Variants in QSOX2 observed in about 807,000 individuals in gnomAD.
QSOX2 encodes the protein quiescin sulfhydryl oxidase 2.
A neutral mutation model predicts 61.7 loss-of-function variants in QSOX2; 46 were observed. The ratio of observed to expected loss-of-function variants is 0.75; its 90% CI spans 0.59 to 0.95. The LOEUF (loss-of-function observed/expected upper bound fraction) is 0.95, where lower values mean the gene tolerates loss of function less well. QSOX2 is among the 40% of genes least tolerant of loss of function. QSOX2 has a pLI of 0.00. For synonymous variants in QSOX2, 383 were observed against 388.4 expected (o/e 0.99, Z 0.16); for missense variants, 879 against 918.9 (o/e 0.96, Z 0.56).
chr9:136,244,757 G>C (rs1272504795), intron 1 of QSOX2, among the ~76,000 whole-genome samples: 1 of 152,240 alleles, frequency 6.6e-6, no homozygotes, highest in Non-Finnish European at 1.5e-5. Flanking sequence ...ATAAAGTGCG[G>C]AACACTACCA....
At chr9:136,215,735 T>C (rs1043439951) in intron 9 of QSOX2, among the ~76,000 whole-genome samples, 3 of 152,152 alleles carry the variant, frequency 2.0e-5, no homozygotes, top group Admixed American at 2.0e-4. Context: ...AGCAATAGGG[T>C]GGCCATCAGA....
chr9:136,217,087 C>G (rs7040091), intron 8 of QSOX2, among the ~76,000 whole-genome samples: 4 of 152,248 alleles, frequency 2.6e-5, no homozygotes, highest in African/African-American at 7.2e-5. Context: ...GCCTTCCTCA[C>G]GAGGAGCTGT....
At chr9:136,233,298 C>T (rs747771633) in intron 1 of QSOX2, among the ~76,000 whole-genome samples, 5 of 152,230 alleles carry the variant, frequency 3.3e-5, no homozygotes, top group Non-Finnish European at 7.3e-5. Flanking sequence ...CTGCCTTTTA[C>T]AGTGATTTCA....
At chr9:136,232,932 A>C (rs868808699) in intron 1 of QSOX2, among the ~76,000 whole-genome samples, 1 of 149,224 alleles carries the variant, frequency 6.7e-6, no homozygotes, top group African/African-American at 2.5e-5. Context: ...AAAAAAAAAA[A>C]AAAAAAGAAA....
chr9:136,226,297 G>A (rs1037928253), intron 2 of QSOX2, among the ~76,000 whole-genome samples: 9 of 152,206 alleles, frequency 5.9e-5, no homozygotes, highest in African/African-American at 2.2e-4. Context: ...CCCCTAGTGG[G>A]AGCAATGGGC....
intron 1 of QSOX2, among the ~76,000 whole-genome samples, chr9:136,240,720 C>T (rs1238807099): frequency 3.3e-5 from 5 of 152,180 alleles, no homozygotes; most frequent in Non-Finnish European, 7.3e-5. Context: ...TGAGAAAACC[C>T]GGGCACACGC....
chr9:136,218,778 T>C lies in QSOX2; in HGVS notation c.987A>G (p.Ser329=). The change falls in exon 8 of 12, where the codon TCA becomes TCG. Residue 329 remains serine, a synonymous_variant. Coordinates refer to ENST00000358701, the MANE Select transcript of QSOX2 (RefSeq NM_181701.4). The part of the protein sequence containing the change: ...KSKLYTVDLE[S]GLHYLLRVEL... Reference sequence around the variant, plus strand: ...CCACCCGCAGGAGGTAGTGTAGCCCTGACTCCAGGTCCACCGTGTACAGCT... The same window carrying C: ...CCACCCGCAGGAGGTAGTGTAGCCCCGACTCCAGGTCCACCGTGTACAGCT... The C allele has an allele frequency of 6.2e-7, 1 of 1,613,568 alleles. No individual in the cohort carries two copies. Among genetic ancestry groups the C allele is most frequent in the Non-Finnish European group, 8.5e-7 (1 of 1,180,020 alleles).
intron 1 of QSOX2, among the ~76,000 whole-genome samples, chr9:136,244,161 C>A (rs958207547): frequency 6.6e-5 from 10 of 152,148 alleles, no homozygotes; most frequent in African/African-American, 2.4e-4. Flanking sequence ...GAATAACACA[C>A]AAGAACTGAA....
intron 9 of QSOX2, among the ~76,000 whole-genome samples, chr9:136,216,004 C>T (rs1438022470): frequency 2.6e-5 from 4 of 152,212 alleles, no homozygotes; most frequent in African/African-American, 9.6e-5. Flanking sequence ...ACAAAGCTGG[C>T]AAAATCACGG....
intron 10 of QSOX2, among the ~76,000 whole-genome samples, chr9:136,214,711 C>G (rs751230724): frequency 6.6e-6 from 1 of 152,202 alleles, no homozygotes; most frequent in East Asian, 1.9e-4. Flanking sequence ...AGGCCATGCC[C>G]GGCCCTCAGA....
At chr9:136,242,909 CCTAA>C (rs1209182806) in intron 1 of QSOX2, among the ~76,000 whole-genome samples, 3 of 152,210 alleles carry the variant, frequency 2.0e-5, no homozygotes, top group Non-Finnish European at 4.4e-5. Context: ...TCCTGAGTCC[CCTAA>C]CTGACTGAAT....
chr9:136,211,028 C>G (rs953516194), intron 11 of QSOX2: 1 of 549,994 alleles, frequency 1.8e-6, no homozygotes, highest in African/African-American at 2.1e-5. Context: ...TCCACGGGGT[C>G]GAAGAGCCCC....
intron 10 of QSOX2, among the ~76,000 whole-genome samples, chr9:136,213,968 A>ACG: frequency 2.2e-5 from 1 of 46,008 alleles, no homozygotes; most frequent in Non-Finnish European, 5.7e-5. Context: ...TGATAAGCAA[A>ACG]CAGTGGTGGC....
intron 11 of QSOX2, chr9:136,210,502 G>A (rs117915944): frequency 0.026 from 25,817 of 985,448 alleles, 362 homozygotes; most frequent in African/African-American, 0.048. Context: ...TGTGGGCGGC[G>A]GCGATGCAGA....
rs774617522 is a variant in QSOX2 at position 136,209,055 on chromosome 9, C to T, written c.1770G>A (p.Glu590=). Residue 590 remains glutamate, a synonymous_variant, in exon 12 of 12, where the codon GAG becomes GAA. Coordinates refer to ENST00000358701, the MANE Select transcript of QSOX2 (RefSeq NM_181701.4). This position sits in a 1 kb window ranked among gnomAD's most constrained non-coding sequence, Gnocchi z 5.6. The part of the protein sequence containing the change: ...EGGTLARGEE[E]EKRLTPPEVS... ...CCTCTGGGGGAGTGAGTCTTTTCTCCTCTTCCTCACCCCTGGCCAGGGTTC... is the reference window on the plus strand; with the variant it reads ...CCTCTGGGGGAGTGAGTCTTTTCTCTTCTTCCTCACCCCTGGCCAGGGTTC... 1 of 1,614,128 alleles carries T rather than the reference C, an allele frequency of 6.2e-7. No homozygotes were observed. The highest frequency in any genetic ancestry group is 8.5e-7 in the Non-Finnish European group (1 of 1,180,002).
At chr9:136,225,915 T>C (rs191421385) in intron 2 of QSOX2, among the ~76,000 whole-genome samples, 2 of 152,370 alleles carry the variant, frequency 1.3e-5, no homozygotes, top group East Asian at 1.9e-4. Flanking sequence ...GAAGCCATGC[T>C]GACGTAATCA....
intron 1 of QSOX2, among the ~76,000 whole-genome samples, chr9:136,243,355 T>A (rs572347831): frequency 3.9e-5 from 6 of 152,324 alleles, no homozygotes; most frequent in African/African-American, 7.2e-5. Flanking sequence ...CCCTCTATTC[T>A]CCCCAAGGCT....
In QSOX2 at chr9:136,208,802, G is replaced by A. The variant is rs779167335; in HGVS notation, c.2023C>T (p.Leu675Phe). ...CGGAAGAAGAAGTACATCACCATGA[G>A]GAACAGGGATGAAGCCACGTACAGC... Reference protein sequence around the residue: ...VVLYVASSLFLMVMYFFFRVR... With the variant: ...VVLYVASSLFFMVMYFFFRVR... The change falls in exon 12 of 12, where the codon CTC becomes TTC. Residue 675 changes from leucine (L) to phenylalanine (F), a missense_variant. By Grantham distance (22) the Leu-to-Phe change is conservative (BLOSUM62 0). Transcript: ENST00000358701. 4 of 1,614,026 alleles carry A rather than the reference G, an allele frequency of 2.5e-6. No homozygotes were observed. Among genetic ancestry groups the A allele is most frequent in the Non-Finnish European group, 3.4e-6 (4 of 1,180,016 alleles).
intron 6 of QSOX2, among the ~76,000 whole-genome samples, chr9:136,219,874 G>A (rs1831960458): frequency 6.6e-6 from 1 of 152,260 alleles, no homozygotes; most frequent in African/African-American, 2.4e-5. Context: ...ACATCTGGGA[G>A]TGGTTCAGGC....
Sources: gnomAD v4.1 joint callset for allele counts (sites outside exome capture counted in the v4.1 genomes callset) on GRCh38, gnomAD v4.1.1 for gene constraint, Gnocchi (gnomAD v3.1) non-coding constraint, MANE v1.5 for transcripts, NCBI Gene and HGNC (gene_info 2026-07-23, HGNC 2026-07-21) for gene names.